Variants in SPACA6 observed in about 807,000 individuals in gnomAD.
SPACA6 encodes sperm acrosome membrane-associated protein 6.
For synonymous variants in SPACA6, 6 were observed against 1.5 expected (o/e 4.05, Z -2.21); for missense variants, 8 against 2.8 (o/e 2.88, Z -1.34).
Position 51,701,039 on chromosome 19 carries a change from T to C in SPACA6, c.293-619T>C, listed in dbSNP as rs139345370. Among the ~76,000 whole-genome samples, 831 of 152,132 alleles carry C rather than the reference T, an allele frequency of 5.5e-3. 6 individuals carry two copies. The highest frequency in any genetic ancestry group is 0.019 in the African/African-American group (769 of 41,488). ...GAGTTCGAGACCAGCCTGGCCAACATGGTGAAACCCCATCTCTACTAAAAA... is the reference window on the plus strand; with the variant it reads ...GAGTTCGAGACCAGCCTGGCCAACACGGTGAAACCCCATCTCTACTAAAAA... On this transcript the variant is annotated intron_variant, in intron 2 of 8. Transcript: ENST00000637797.
chr19:51,695,280 C>A (rs1001882322), intron 2 of SPACA6, among the ~76,000 whole-genome samples: 1 of 152,180 alleles, frequency 6.6e-6, no homozygotes, highest in Non-Finnish European at 1.5e-5. Flanking sequence ...GGGGGCCACG[C>A]AATGCCGATG....
intron 1 of SPACA6, chr19:51,694,023 G>A (rs199684176): frequency 1.3e-5 from 3 of 239,090 alleles, no homozygotes; most frequent in South Asian, 2.7e-4. Flanking sequence ...ATGGAGACTC[G>A]GAAAGATGGA....
Position 51,693,475 on chromosome 19 carries a change from T to A in SPACA6, c.-52T>A, listed in dbSNP as rs1014436302. 9.3e-6 allele frequency: 5 copies of A among 538,842 alleles called. No individual in the cohort carries two copies. Among genetic ancestry groups the A allele is most frequent in the Non-Finnish European group, 1.7e-5 (5 of 285,802 alleles). The allele number at this position is 538,842 out of a possible 1,614,324, so 33.4% of individuals were successfully genotyped here. On this transcript the variant is annotated 5_prime_UTR_variant, in exon 1 of 9. Coordinates refer to ENST00000637797, the MANE Select transcript of SPACA6 (RefSeq NM_001316972.2). ...GACCACTGGCCCTTCCCCCGCCCTGTGGTGACTTCATAAAGGTTACTAGCT... is the reference window on the plus strand; with the variant it reads ...GACCACTGGCCCTTCCCCCGCCCTGAGGTGACTTCATAAAGGTTACTAGCT...
chr19:51,692,736 C>T (rs374605190), upstream of SPACA6: 4 of 534,246 alleles, frequency 7.5e-6, no homozygotes, highest in Non-Finnish European at 1.2e-5. This position sits in a 1 kb window ranked among gnomAD's most constrained non-coding sequence, Gnocchi z 5.6. Context: ...ATCCCTGGTC[C>T]TCCTGGTCCC....
At chr19:51,690,770 C>CGG (rs1262585513), upstream of SPACA6, among the ~76,000 whole-genome samples, 3 of 152,122 alleles carry the variant, frequency 2.0e-5, no homozygotes, top group Admixed American at 2.0e-4. Context: ...CACTGGTTGG[C>CGG]GGGTGGGGGA....
intron 2 of SPACA6, among the ~76,000 whole-genome samples, chr19:51,700,468 C>T (rs750838418): frequency 6.6e-6 from 1 of 152,090 alleles, no homozygotes; most frequent in Non-Finnish European, 1.5e-5. Context: ...AGATGCCAAA[C>T]GTTTTATTTG....
At chr19:51,689,813 A>G (rs1241052098), upstream of SPACA6, among the ~76,000 whole-genome samples, 1 of 151,240 alleles carries the variant, frequency 6.6e-6, no homozygotes, top group Non-Finnish European at 1.5e-5. Flanking sequence ...TTCAAGAGGG[A>G]GGACAGAGAT....
Position 51,704,128 on chromosome 19 carries a change from C to G in SPACA6, c.672C>G (p.Phe224Leu), listed in dbSNP as rs915891974. ...CTCAGCTCACGCACCGCGGGACGTTCTCCTGCGTGATCAAGCAAGACCAGC... is the reference window on the plus strand; with the variant it reads ...CTCAGCTCACGCACCGCGGGACGTTGTCCTGCGTGATCAAGCAAGACCAGC... ...RPAQLTHRGT[F>L]SCVIKQDQRP... The change falls in exon 7 of 9, where the codon TTC becomes TTG. Residue 224 changes from phenylalanine (F) to leucine (L), a missense_variant. Physicochemically the swap from Phe to Leu is conservative, Grantham distance 22. Coordinates refer to ENST00000637797, the MANE Select transcript of SPACA6 (RefSeq NM_001316972.2). The G allele has an allele frequency of 3.0e-5, 12 of 401,208 alleles. No homozygotes were observed. The highest frequency in any genetic ancestry group is 2.5e-4 in the African/African-American group (12 of 48,826). 24.9% of individuals were successfully genotyped at this position (401,208 alleles called of 1,614,324 possible). A position where few individuals can be genotyped will look rare whatever the true frequency, so the allele number is the denominator to read the frequency against.
At chr19:51,699,600 C>T (rs896928781) in intron 2 of SPACA6, among the ~76,000 whole-genome samples, 3 of 152,144 alleles carry the variant, frequency 2.0e-5, no homozygotes, top group Non-Finnish European at 4.4e-5. Flanking sequence ...TTTCTTCTCA[C>T]GCCTCTCTCT....
At chr19:51,687,220 C>A (rs2083331877), upstream of SPACA6, 1 of 151,924 alleles carries the variant, frequency 6.6e-6, no homozygotes, top group Non-Finnish European at 1.5e-5. Context: ...TGAGATAATG[C>A]CACTGCACTC....
At chr19:51,702,830 GAGCCGA>G (rs1322161736) in intron 4 of SPACA6, 178 bp downstream of exon 4, 1 of 398,366 alleles carries the variant, frequency 2.5e-6, no homozygotes, top group Non-Finnish European at 4.4e-6. Flanking sequence ...GTGTGTGTGA[GAGCCGA>G]AGCAAACCAA....
At position 51,694,022 on chromosome 19, in the gene SPACA6, CGGAA is replaced by C. The variant is rs564207792; in HGVS notation, c.214+283_214+286del. 545 of 294,082 alleles carry C rather than the reference CGGAA, an allele frequency of 1.9e-3. 3 individuals carry two copies. Among genetic ancestry groups the C allele is most frequent in the South Asian group, 0.018 (105 of 5,852 alleles). 18.2% of individuals were successfully genotyped at this position (294,082 alleles called of 1,614,324 possible). ...TCAGAGAGAGAGGAAGATGGAGACT[CGGAA>C]AGATGGAGACTCAGGAGTATGGAGA... is the stretch of plus-strand genomic sequence containing the variant. On this transcript the variant is annotated intron_variant, in intron 1 of 8. Transcript: ENST00000637797.
chr19:51,692,949 C>A, upstream of SPACA6: 1 of 483,288 alleles, frequency 2.1e-6, no homozygotes, highest in Non-Finnish European at 4.3e-6. This position sits in a 1 kb window ranked among gnomAD's most constrained non-coding sequence, Gnocchi z 5.6. Context: ...CCCAGGGACC[C>A]TGGGAGGAAG....
chr19:51,692,775 C>T (rs371702755), upstream of SPACA6: 72 of 534,368 alleles, frequency 1.3e-4, 1 homozygote, highest in Non-Finnish European at 2.5e-4. The surrounding 1 kb of genome is among the most constrained non-coding windows in gnomAD (Gnocchi z 5.6). Context: ...GTCTGTCCAC[C>T]TGCCGCGCCC....
exon 3 of SPACA6, chr19:51,712,157 A>G (rs1199876452): frequency 1.3e-5 from 2 of 152,140 alleles, no homozygotes; most frequent in Non-Finnish European, 2.9e-5. Context: ...GATTACAGGC[A>G]CATGCCACCA....
chr19:51,693,672 G>T lies in SPACA6; in HGVS notation c.146G>T (p.Ser49Ile). ...TGCCAGATGTTTGTTGGGATGCGGA[G>T]CCCCAAGCTTGAAGAGTGTGAGGAG... Reference protein sequence around the residue: ...RICQMFVGMRSPKLEECEEAF... With the variant: ...RICQMFVGMRIPKLEECEEAF... The change falls in exon 1 of 9, where the codon AGC becomes ATC. Residue 49 changes from serine (S) to isoleucine (I), a missense_variant. By Grantham distance (142) the Ser-to-Ile change is moderately radical. Transcript: ENST00000637797. 3 of 413,436 alleles carry T rather than the reference G, an allele frequency of 7.3e-6. No individual in the cohort carries two copies. Among genetic ancestry groups the T allele is most frequent in the Non-Finnish European group, 1.3e-5 (3 of 232,584 alleles). 25.6% of individuals were successfully genotyped at this position (413,436 alleles called of 1,614,324 possible). A position where few individuals can be genotyped will look rare whatever the true frequency, so the allele number is the denominator to read the frequency against.
chr19:51,701,342 C>T (rs2122217647), intron 2 of SPACA6, among the ~76,000 whole-genome samples: 2 of 152,202 alleles, frequency 1.3e-5, no homozygotes, highest in South Asian at 4.1e-4. Flanking sequence ...TTTATCCTCC[C>T]CTTCTCCCCC....
At chr19:51,696,441 G>A (rs1381461428) in intron 2 of SPACA6, among the ~76,000 whole-genome samples, 1 of 151,968 alleles carries the variant, frequency 6.6e-6, no homozygotes, top group Non-Finnish European at 1.5e-5. Context: ...GGAAGAGAAA[G>A]GGGTGATAGT....
chr19:51,689,345 A>C (rs1333257939), upstream of SPACA6: 1 of 148,556 alleles, frequency 6.7e-6, no homozygotes, highest in Non-Finnish European at 1.5e-5. Flanking sequence ...ACGGCCGCGC[A>C]GCCGGCGGGG....
Sources: gnomAD v4.1 joint callset for allele counts (sites outside exome capture counted in the v4.1 genomes callset) on GRCh38, gnomAD v4.1.1 for gene constraint, Gnocchi (gnomAD v3.1) non-coding constraint, MANE v1.5 for transcripts, NCBI Gene and HGNC (gene_info 2026-07-23, HGNC 2026-07-21) for gene names.